Variants in TMTC4 observed in about 807,000 individuals in gnomAD.
TMTC4 encodes the protein protein O-mannosyl-transferase TMTC4.
A neutral mutation model predicts 86.0 loss-of-function variants in TMTC4; 65 were observed. The observed-to-expected ratio is 0.76, with a 90% CI of 0.62 to 0.93. TMTC4 has a LOEUF of 0.93. TMTC4 is among the 40% of genes least tolerant of loss of function. The probability of loss-of-function intolerance (pLI) is 0.00; values close to 1 mark genes in which losing one functional copy is unlikely to be tolerated. For synonymous variants in TMTC4, 379 were observed against 382.5 expected, an observed-to-expected ratio of 0.99 and a Z score of 0.11; for missense variants, 866 against 948.1, an observed-to-expected ratio of 0.91 and a Z score of 1.14.
chr13:100,670,388 G>C lies in TMTC4; in HGVS notation c.-26C>G, dbSNP rs367834919. Reference sequence around the variant, plus strand: ...TCCATGGTGATGCTGTCCCCTTCCAGGGGCCAGAAGGAGGCTCAGATTTAC... The same window carrying C: ...TCCATGGTGATGCTGTCCCCTTCCACGGGCCAGAAGGAGGCTCAGATTTAC... On this transcript the variant is annotated 5_prime_UTR_variant, in exon 2 of 19. Transcript: ENST00000342624. The C allele has an allele frequency of 6.2e-7, 1 of 1,602,428 alleles. No individual in the cohort carries two copies. Among genetic ancestry groups the C allele is most frequent in the African/African-American group, 1.3e-5 (1 of 74,168 alleles).
chr13:100,670,043 CA>C (rs1243042527), intron 2 of TMTC4, among the ~76,000 whole-genome samples: 1 of 152,102 alleles, frequency 6.6e-6, no homozygotes, highest in Non-Finnish European at 1.5e-5. Context: ...TACTTTCTTC[CA>C]GAAGGCTGAA....
At chr13:100,664,196 C>A in intron 4 of TMTC4, 25 bp downstream of exon 4, 1 of 1,581,566 alleles carries the variant, frequency 6.3e-7, no homozygotes, top group East Asian at 2.3e-5. Context: ...GGGACCTTCC[C>A]AGGCCCTTCA....
At chr13:100,648,779 A>G (rs1450567451) in intron 6 of TMTC4, among the ~76,000 whole-genome samples, 1 of 152,176 alleles carries the variant, frequency 6.6e-6, no homozygotes. Flanking sequence ...TCCCAGGCTC[A>G]AGCAATCCTC....
At chr13:100,645,063 C>T (rs1040259580) in intron 6 of TMTC4, among the ~76,000 whole-genome samples, 3 of 152,090 alleles carry the variant, frequency 2.0e-5, no homozygotes, top group African/African-American at 4.8e-5. Flanking sequence ...CCACCCGCCT[C>T]GGCCTCCCAA....
intron 15 of TMTC4, among the ~76,000 whole-genome samples, chr13:100,619,872 T>A (rs184644686): frequency 6.6e-6 from 1 of 152,382 alleles, no homozygotes; most frequent in East Asian, 1.9e-4. Flanking sequence ...ACAAAATCCA[T>A]GGCAACATTT....
At chr13:100,657,763 G>A (rs530869590) in intron 5 of TMTC4, among the ~76,000 whole-genome samples, 1 of 152,290 alleles carries the variant, frequency 6.6e-6, no homozygotes, top group Non-Finnish European at 1.5e-5. Context: ...CACTGACTAC[G>A]AAATTACTAT....
At position 100,637,637 on chromosome 13, in the gene TMTC4, A is replaced by G. The variant is rs375206264; in HGVS notation, c.900T>C (p.Ala300=). 16 of 1,614,162 alleles carry G rather than the reference A, an allele frequency of 9.9e-6. No homozygotes were observed. The South Asian group carries it at 1.4e-4, about 14-fold the overall frequency. ...TCCTCCAGCGCACGTAGAGCATCCC[A>G]GCCCCTCCAGAGGTGAGCAGGGTCA... ...FRMTLLTSGG[A]GMLYVRWRIM... The change falls in exon 9 of 19, where the codon GCT becomes GCC. Residue 300 remains alanine, a synonymous_variant. Transcript: ENST00000342624.
chr13:100,623,175 T>C (rs952846138), intron 15 of TMTC4, among the ~76,000 whole-genome samples: 27 of 152,268 alleles, frequency 1.8e-4, no homozygotes, highest in African/African-American at 6.3e-4. Context: ...GCTGCTTCCC[T>C]GCTGCAGGGC....
At position 100,637,716 on chromosome 13, in the gene TMTC4, G is replaced by T. The variant is rs745796597; in HGVS notation, c.835-14C>A. On this transcript the variant is annotated splice_polypyrimidine_tract_variant and intron_variant, in intron 8 of 18. Transcript: ENST00000342624. ...CATGCCGAGATTCTGCAAGGACATC[G>T]CAAAGCCCCAGAGGTGGCTGATTTT... is the stretch of plus-strand genomic sequence containing the variant. 3 of 1,611,966 alleles carry T rather than the reference G, an allele frequency of 1.9e-6. No homozygotes were observed. In the South Asian group the frequency reaches 3.3e-5, roughly 18 times the overall value.
intron 6 of TMTC4, among the ~76,000 whole-genome samples, chr13:100,654,662 T>G (rs1376571076): frequency 6.6e-6 from 1 of 152,120 alleles, no homozygotes; most frequent in Non-Finnish European, 1.5e-5. Flanking sequence ...AAAAAGAATA[T>G]AAAATGTCTA....
chr13:100,652,822 A>AAGGAG (rs1392863084), intron 6 of TMTC4, among the ~76,000 whole-genome samples: 1 of 152,210 alleles, frequency 6.6e-6, no homozygotes, highest in Non-Finnish European at 1.5e-5. Flanking sequence ...ATTTTAATCA[A>AAGGAG]AATATACTGG....
chr13:100,614,767 G>T, intron 15 of TMTC4: 1 of 297,094 alleles, frequency 3.4e-6, no homozygotes, highest in Non-Finnish European at 5.0e-6. Context: ...GTTATTTAGT[G>T]ATTTTAGGAA....
intron 12 of TMTC4, among the ~76,000 whole-genome samples, chr13:100,630,044 T>A (rs1337003752): frequency 6.6e-6 from 1 of 151,622 alleles, no homozygotes; most frequent in Non-Finnish European, 1.5e-5. Flanking sequence ...TGTGTGTGTG[T>A]GTGTGTGTGT....
intron 5 of TMTC4, among the ~76,000 whole-genome samples, chr13:100,659,778 C>T (rs1209909466): frequency 6.6e-6 from 1 of 150,416 alleles, no homozygotes; most frequent in African/African-American, 2.5e-5. Flanking sequence ...ACTGCAATTA[C>T]AGCATTACCA....
At chr13:100,650,138 A>C (rs1248352557) in intron 6 of TMTC4, among the ~76,000 whole-genome samples, 1 of 152,214 alleles carries the variant, frequency 6.6e-6, no homozygotes, top group Non-Finnish European at 1.5e-5. Context: ...TCTTTTAAGA[A>C]GACAACTTGC....
intron 5 of TMTC4, among the ~76,000 whole-genome samples, chr13:100,658,820 T>A (rs1885426924): frequency 6.6e-6 from 1 of 152,182 alleles, no homozygotes; most frequent in African/African-American, 2.4e-5. Context: ...ATTTTTAAAG[T>A]ATGGGAAGTG....
At chr13:100,659,866 G>GA (rs1185147947) in intron 5 of TMTC4, among the ~76,000 whole-genome samples, 3 of 148,108 alleles carry the variant, frequency 2.0e-5, no homozygotes, top group African/African-American at 7.5e-5. Flanking sequence ...CTTTAAAATG[G>GA]AAAATCCCCA....
intron 6 of TMTC4, among the ~76,000 whole-genome samples, chr13:100,653,917 T>C (rs558011535): frequency 6.6e-6 from 1 of 152,320 alleles, no homozygotes; most frequent in East Asian, 1.9e-4. Context: ...AGATGCAAAC[T>C]ACTGTAGTTT....
At chr13:100,638,242 T>G in intron 7 of TMTC4, 1 of 471,662 alleles carries the variant, frequency 2.1e-6, no homozygotes, top group Non-Finnish European at 3.8e-6. Context: ...AAGCCCCTGA[T>G]AGTAATGATT....
Sources: gnomAD v4.1 joint callset for allele counts (sites outside exome capture counted in the v4.1 genomes callset) on GRCh38, gnomAD v4.1.1 for gene constraint, MANE v1.5 for transcripts, NCBI Gene and HGNC (gene_info 2026-07-23, HGNC 2026-07-21) for gene names.